The following FRMPD3 variants were observed in gnomAD, a reference collection of about 807,000 sequenced individuals.
The protein encoded by FRMPD3 is FERM and PDZ domain-containing protein 3.
In FRMPD3, 42 loss-of-function variants were observed where a neutral mutation model predicts 97.9. That is an observed-to-expected ratio of 0.43 (90% CI 0.34 to 0.55). The LOEUF (loss-of-function observed/expected upper bound fraction) is 0.55. Ranked by LOEUF, FRMPD3 falls within the 20% of genes least tolerant of loss-of-function variation. FRMPD3 has a pLI of 0.03. For missense variants in FRMPD3, 1,303 were observed against 1,457.7 expected, an observed-to-expected ratio of 0.89 and a Z score of 1.73; for synonymous variants, 577 against 581.1, an observed-to-expected ratio of 0.99 and a Z score of 0.10.
In FRMPD3 at chrX:107,529,812, G is replaced by A. The variant is rs184039331; in HGVS notation, c.149-597G>A. The stretch of plus-strand genomic sequence containing the variant: ...TATTCAAGTAAGAAGATCCTTCCTC[G>A]TCCTCCTTTCGCCTGACCACCTCCA... On this transcript the variant is annotated intron_variant, in intron 2 of 14. Transcript: ENST00000683843. 4.8e-3 allele frequency among the ~76,000 whole-genome samples: 537 copies of A among 111,263 alleles called. 3 individuals carry two copies. Among genetic ancestry groups the A allele is most frequent in the Non-Finnish European group, 7.9e-3 (420 of 52,945 alleles).
intron 13 of FRMPD3, among the ~76,000 whole-genome samples, chrX:107,581,216 C>T (rs1194251614): frequency 9.0e-6 from 1 of 110,959 alleles, no homozygotes; most frequent in Admixed American, 9.7e-5. Flanking sequence ...TCAAGCTATA[C>T]TCCTGCCTCA....
intron 1 of FRMPD3, chrX:107,522,446 T>C (rs747109573): frequency 1.8e-6 from 1 of 557,482 alleles, no homozygotes; most frequent in East Asian, 3.3e-5. Flanking sequence ...TGGGGCAGCT[T>C]GCAATGGAGA....
At chrX:107,563,447 C>T (rs1402431605) in intron 11 of FRMPD3, among the ~76,000 whole-genome samples, 1 of 112,059 alleles carries the variant, frequency 8.9e-6, no homozygotes, top group Non-Finnish European at 1.9e-5. Context: ...ATACTTTTTC[C>T]ATAAAGGGCC....
intron 4 of FRMPD3, among the ~76,000 whole-genome samples, chrX:107,542,693 A>G (rs1249571723): frequency 1.8e-5 from 2 of 112,515 alleles, no homozygotes; most frequent in Non-Finnish European, 3.8e-5. Context: ...TCTGATGTGT[A>G]TCTTAGGGCC....
At chrX:107,592,002 A>T (rs974532571) in intron 13 of FRMPD3, among the ~76,000 whole-genome samples, 13 of 111,414 alleles carry the variant, frequency 1.2e-4, no homozygotes, top group Non-Finnish European at 2.4e-4. Context: ...AGTTCTTCAG[A>T]GGTGATTTCT....
intron 1 of FRMPD3, among the ~76,000 whole-genome samples, chrX:107,491,254 C>G (rs1252485770): frequency 1.8e-5 from 2 of 112,091 alleles, no homozygotes; most frequent in Non-Finnish European, 3.8e-5. Context: ...TTGTGAAGCA[C>G]TTTCTTTGTG....
rs1206008960 is a variant in FRMPD3, at chrX:107,603,666, G to A, written c.*293G>A. ...GAGCTGTATTTTATCTCTTCTCTGG[G>A]GCTGAGAGGTGACATCAGGCTCACT... On this transcript the variant is annotated 3_prime_UTR_variant, in exon 15 of 15. Coordinates refer to ENST00000683843, the MANE Select transcript of FRMPD3 (RefSeq NM_001388459.1). 3.8e-6 allele frequency: 1 copy of A among 263,309 alleles called. No individual in the cohort carries two copies. The highest frequency in any genetic ancestry group is 6.5e-6 in the Non-Finnish European group (1 of 154,127). 21.7% of individuals were successfully genotyped at this position (263,309 alleles called of 1,213,427 possible).
Position 107,555,244 on chromosome X carries a change from A to G in FRMPD3, c.762+740A>G, listed in dbSNP as rs1922029845. ...GAAGCATGAGTGATTTTTTATGGCT[A>G]GAGTACAGGATGTGAGGTAAAGAGG... On this transcript the variant is annotated intron_variant, in intron 8 of 14. Coordinates refer to ENST00000683843, the MANE Select transcript of FRMPD3 (RefSeq NM_001388459.1). 3 of 112,230 alleles carry G rather than the reference A, an allele frequency of 2.7e-5. No homozygotes were observed. In the Admixed American group the frequency reaches 2.8e-4, roughly 11 times the overall value. 9.2% of individuals were successfully genotyped at this position (112,230 alleles called of 1,213,427 possible). A position where few individuals can be genotyped will look rare whatever the true frequency, so the allele number is the denominator to read the frequency against.
chrX:107,513,976 T>C (rs189579019), intron 1 of FRMPD3, among the ~76,000 whole-genome samples: 111 of 112,022 alleles, frequency 9.9e-4, no homozygotes, highest in Admixed American at 3.4e-3. Context: ...GTTGCAATAG[T>C]AGAGAATAAC....
Position 107,565,077 on chromosome X carries a change from C to T in FRMPD3, c.1296+11C>T. Reference sequence around the variant, plus strand: ...ATCATGGATGCCAAGGTAAGCCCTGCTTTGAGGGCCTCCTTCTGTTTAGGA... The same window carrying T: ...ATCATGGATGCCAAGGTAAGCCCTGTTTTGAGGGCCTCCTTCTGTTTAGGA... On this transcript the variant is annotated intron_variant, in intron 12 of 14. Transcript: ENST00000683843. 8.7e-7 allele frequency: 1 copy of T among 1,152,400 alleles called. No individual in the cohort carries two copies. The highest frequency in any genetic ancestry group is 1.2e-6 in the Non-Finnish European group (1 of 864,527). 95.0% of individuals were successfully genotyped at this position (1,152,400 alleles called of 1,213,427 possible).
At chrX:107,521,353 G>A (rs1327826560) in intron 1 of FRMPD3, among the ~76,000 whole-genome samples, 1 of 112,110 alleles carries the variant, frequency 8.9e-6, no homozygotes, top group African/African-American at 3.2e-5. Context: ...TTCAAAGTGT[G>A]GTCTGTGGAC....
chrX:107,488,054 CCTCTCTGCT>C (rs1404555575), intron 1 of FRMPD3, among the ~76,000 whole-genome samples: 18 of 111,801 alleles, frequency 1.6e-4, no homozygotes, highest in African/African-American at 5.5e-4. Flanking sequence ...CTCCTCCTCT[CCTCTCTGCT>C]CTCTCTGCAA....
intron 1 of FRMPD3, chrX:107,525,616 G>A (rs1200657224): frequency 1.8e-6 from 1 of 557,420 alleles, no homozygotes; most frequent in Non-Finnish European, 3.2e-6. Flanking sequence ...GCCCCAGGAT[G>A]CAGCTCCCCT....
chrX:107,578,930 C>T (rs1923253221), intron 13 of FRMPD3, among the ~76,000 whole-genome samples: 1 of 111,279 alleles, frequency 9.0e-6, no homozygotes, highest in Non-Finnish European at 1.9e-5. Context: ...AAGGGAAGGG[C>T]ACAACTGAGG....
rs1216050821 is a variant in FRMPD3, at chrX:107,602,268, C to T, written c.4229C>T (p.Ser1410Leu). Reference protein sequence around the residue: ...LDQGDRASLTSDVYPHPPLGM... With the variant: ...LDQGDRASLTLDVYPHPPLGM... ...CAGGGTGACAGGGCCTCGCTGACCT[C>T]GGATGTCTACCCACATCCTCCCCTG... Residue 1410 changes from serine (S) to leucine (L), a missense_variant, in exon 15 of 15, where the codon TCG becomes TTG. Ser to Leu is a moderately radical substitution (Grantham distance 145, BLOSUM62 -2). This residue lies in a region of FRMPD3 where 764 missense variants were observed against 820.2 expected (regional missense o/e 0.93). Coordinates refer to ENST00000683843, the MANE Select transcript of FRMPD3 (RefSeq NM_001388459.1). 7 of 1,206,730 alleles carry T rather than the reference C, an allele frequency of 5.8e-6. No individual in the cohort carries two copies. The highest frequency in any genetic ancestry group is 6.7e-6 in the Non-Finnish European group (6 of 893,658).
intron 1 of FRMPD3, among the ~76,000 whole-genome samples, chrX:107,466,530 C>T (rs5917052): frequency 0.24 from 26,663 of 111,595 alleles, 2,891 homozygotes; most frequent in East Asian, 0.67. Flanking sequence ...GGGCCTCTGG[C>T]GCATTTTCAA....
intron 14 of FRMPD3, among the ~76,000 whole-genome samples, chrX:107,598,955 C>G (rs970179243): frequency 8.9e-6 from 1 of 111,767 alleles, no homozygotes; most frequent in East Asian, 2.8e-4. Flanking sequence ...ACACATATGT[C>G]CCTCCATATA....
intron 1 of FRMPD3, among the ~76,000 whole-genome samples, chrX:107,496,736 G>A (rs754316874): frequency 1.8e-5 from 2 of 111,337 alleles, no homozygotes; most frequent in Non-Finnish European, 3.8e-5. Context: ...TGCACAGAGA[G>A]CTCCGCAGCT....
rs772601348 is a variant in FRMPD3, at chrX:107,536,917, C to T, written c.297+3367C>T. Among the ~76,000 whole-genome samples the T allele has an allele frequency of 7.8e-4, 87 of 111,348 alleles. 1 individual carries two copies. Among genetic ancestry groups the T allele is most frequent in the African/African-American group, 2.6e-3 (80 of 30,635 alleles). Reference sequence around the variant, plus strand: ...GTAGGTGCTAATAAATATTGGTTGACGGAAGGAAGGAAACCCAGTTTCTAG... The same window carrying T: ...GTAGGTGCTAATAAATATTGGTTGATGGAAGGAAGGAAACCCAGTTTCTAG... On this transcript the variant is annotated intron_variant, in intron 4 of 14. Coordinates refer to ENST00000683843, the MANE Select transcript of FRMPD3 (RefSeq NM_001388459.1).
Sources: allele counts gnomAD v4.1 joint callset (sites outside exome capture counted in the v4.1 genomes callset), GRCh38; gene constraint gnomAD v4.1.1; regional missense constraint gnomAD v4.1.1; transcripts MANE v1.5; gene names NCBI Gene and HGNC (gene_info 2026-07-23, HGNC 2026-07-21).